MACROH2A2: variants seen among roughly 807,000 people sequenced by gnomAD.
The protein encoded by MACROH2A2 is core histone macro-H2A.2.
Under a neutral mutation model 37.6 loss-of-function variants are expected in MACROH2A2, and 6 were observed. The ratio of observed to expected loss-of-function variants is 0.16; its 90% CI spans 0.09 to 0.32. The LOEUF (loss-of-function observed/expected upper bound fraction) is 0.32. Ranked by LOEUF, MACROH2A2 falls within the 10% of genes least tolerant of loss-of-function variation. The pLI, the probability that MACROH2A2 is intolerant of heterozygous loss-of-function variation, is 1.00. For missense variants in MACROH2A2, 290 were observed against 485.9 expected (o/e 0.60, Z 3.79); for synonymous variants, 192 against 202.7 (o/e 0.95, Z 0.45).
At chr10:70,102,926 C>T (rs2072315293) in intron 7 of MACROH2A2, among the ~76,000 whole-genome samples, 1 of 152,102 alleles carries the variant, frequency 6.6e-6, no homozygotes, top group South Asian at 2.1e-4. Flanking sequence ...GCAGCACCTG[C>T]AGGATGCTGC....
rs2072378090 is a variant in MACROH2A2, at chr10:70,111,873, T to C, written c.*190T>C. ...GCCTCCATCTGTAAGGAAGCAGGTC[T>C]CCGCGAGGGGTTTCTTTCCATGTGT... On this transcript the variant is annotated 3_prime_UTR_variant, in exon 9 of 9. Coordinates refer to ENST00000373255, the MANE Select transcript of MACROH2A2 (RefSeq NM_018649.3). 2.4e-6 allele frequency: 1 copy of C among 418,188 alleles called. No individual in the cohort carries two copies. 25.9% of individuals were successfully genotyped at this position (418,188 alleles called of 1,614,324 possible).
chr10:70,090,108 C>T lies in MACROH2A2; in HGVS notation c.221C>T (p.Ala74Val), dbSNP rs779277278. 1 of 1,613,990 alleles carries T rather than the reference C, an allele frequency of 6.2e-7. No homozygotes were observed. The highest frequency in any genetic ancestry group is 8.5e-7 in the Non-Finnish European group (1 of 1,179,858). The change falls in exon 3 of 9, where the codon GCC (alanine) becomes GTC (valine). Residue 74 changes from alanine to valine, a missense_variant. Transcript: ENST00000373255. ...AGNAARDNKK[A>V]RIAPRHILLA... ...AATGCCGCGAGGGACAACAAGAAGG[C>T]CCGGATAGCCCCGAGACACATCTTG...
At position 70,093,765 on chromosome 10, in the gene MACROH2A2, A is replaced by G; in HGVS notation, c.508A>G (p.Thr170Ala). 2.5e-6 allele frequency: 4 copies of G among 1,610,662 alleles called. No individual in the cohort carries two copies. Among genetic ancestry groups the G allele is most frequent in the Non-Finnish European group, 3.4e-6 (4 of 1,176,812 alleles). ...SKPKDSDKEG[T>A]SNSTSEDGPG... ...ACCAAAGGACAGCGATAAAGAAGGA[A>G]CTTCAAATTCCACCTCTGAAGATGG... Residue 170 changes from threonine to alanine, a missense_variant, in exon 5 of 9, where the codon ACT (threonine) becomes GCT (alanine). Around this residue, in one of 3 missense-constraint regions of MACROH2A2, gnomAD observed 77 missense variants for 68.9 expected, o/e 1.12. Coordinates refer to ENST00000373255, the MANE Select transcript of MACROH2A2 (RefSeq NM_018649.3).
At chr10:70,103,530 T>G (rs2072318436) in intron 7 of MACROH2A2, among the ~76,000 whole-genome samples, 1 of 152,088 alleles carries the variant, frequency 6.6e-6, no homozygotes. Flanking sequence ...TAAACAGAGT[T>G]CCAAAGGCAG....
At chr10:70,102,331 G>T (rs2072311271) in intron 7 of MACROH2A2, among the ~76,000 whole-genome samples, 1 of 152,234 alleles carries the variant, frequency 6.6e-6, no homozygotes, top group Admixed American at 6.5e-5. Context: ...GTCTGGGCCT[G>T]TGGGCTGTGC....
chr10:70,078,516 G>A (rs955458381), intron 2 of MACROH2A2, among the ~76,000 whole-genome samples: 2 of 152,198 alleles, frequency 1.3e-5, no homozygotes, highest in Non-Finnish European at 2.9e-5. Flanking sequence ...GGTTCCAATC[G>A]GGATGACTCA....
intron 4 of MACROH2A2, 63 bp from the exon 5 acceptor site, chr10:70,093,672 A>T (rs1004165753): frequency 1.8e-5 from 15 of 851,698 alleles, no homozygotes; most frequent in Non-Finnish European, 2.8e-5. Flanking sequence ...GAAGAGCTTA[A>T]TAAAGGCACC....
chr10:70,100,185 C>T (rs1257754454), intron 6 of MACROH2A2, 23 bp from the exon 7 acceptor site: 1 of 1,321,466 alleles, frequency 7.6e-7, no homozygotes, highest in South Asian at 1.2e-5. Flanking sequence ...ACCACAGTGG[C>T]TTCCCATTGC....
At position 70,104,572 on chromosome 10, in the gene MACROH2A2, G is replaced by A. The variant is rs538045025; in HGVS notation, c.778+4275G>A. Among the ~76,000 whole-genome samples the A allele has an allele frequency of 2.8e-4, 43 of 152,310 alleles. No individual in the cohort carries two copies. In the South Asian group the frequency reaches 8.5e-3, roughly 30 times the overall value. ...TGCCTGTAATCCCAGCTACTTGGGA[G>A]GCTGAGGCAGGAGAATCACTTGAAC... On this transcript the variant is annotated intron_variant, in intron 7 of 8. Transcript: ENST00000373255.
chr10:70,055,351 G>C (rs1015410131), intron 1 of MACROH2A2, among the ~76,000 whole-genome samples: 1 of 152,182 alleles, frequency 6.6e-6, no homozygotes, highest in Non-Finnish European at 1.5e-5. Context: ...GATTAACAAA[G>C]AACTTGTGGT....
In MACROH2A2 at chr10:70,110,034, C is replaced by T. The variant is rs3793811; in HGVS notation, c.953+827C>T. On this transcript the variant is annotated intron_variant, in intron 8 of 8. Coordinates refer to ENST00000373255, the MANE Select transcript of MACROH2A2 (RefSeq NM_018649.3). ...GAAAATAATGAGACCTAGGTTCCTG[C>T]TGTAATCACACATCAACCTAGGCAA... Among the ~76,000 whole-genome samples, 30 of 152,284 alleles carry T rather than the reference C, an allele frequency of 2.0e-4. No homozygotes were observed. The East Asian group carries it at 5.4e-3, about 27-fold the overall frequency.
chr10:70,079,565 G>GCGCGCACGCA (rs1386558755), intron 2 of MACROH2A2, among the ~76,000 whole-genome samples: 140 of 126,256 alleles, frequency 1.1e-3, no homozygotes, highest in African/African-American at 2.5e-3. Context: ...GCGCGCGCGC[G>GCGCGCACGCA]CACACACACA....
Position 70,093,818 on chromosome 10 carries a change from T to G in MACROH2A2, c.561T>G (p.Ser187=). 3.1e-6 allele frequency: 5 copies of G among 1,601,604 alleles called. No homozygotes were observed. Among genetic ancestry groups the G allele is most frequent in the Non-Finnish European group, 2.6e-6 (3 of 1,168,540 alleles). ...CAGGGGATGGATTCACCATTCTGTC[T>G]TCTAAGAGCCTTGTTCTGGGACAGA... The part of the protein sequence containing the change: ...DGPGDGFTIL[S]SKSLVLGQKL... Residue 187 remains serine (S), a synonymous_variant, in exon 5 of 9, where the codon TCT becomes TCG. Coordinates refer to ENST00000373255, the MANE Select transcript of MACROH2A2 (RefSeq NM_018649.3).
At chr10:70,054,010 C>T (rs2071994917) in intron 1 of MACROH2A2, among the ~76,000 whole-genome samples, 1 of 152,116 alleles carries the variant, frequency 6.6e-6, no homozygotes, top group African/African-American at 2.4e-5. Flanking sequence ...GCCCGGCCAG[C>T]CCCCCGGATC....
intron 1 of MACROH2A2, among the ~76,000 whole-genome samples, chr10:70,069,804 T>C (rs189887495): frequency 2.7e-4 from 41 of 151,708 alleles, no homozygotes; most frequent in African/African-American, 9.0e-4. Flanking sequence ...TACCAGGATG[T>C]GGATAAAAAC....
Position 70,055,204 on chromosome 10 carries a change from A to C in MACROH2A2, c.-60+2204A>C, listed in dbSNP as rs1184520617. ...TGAGTCCTGTCTTAGGCAACTTTAA[A>C]TGAAAGGTATCTGTAACTTGTTACC... On this transcript the variant is annotated intron_variant, in intron 1 of 8. Coordinates refer to ENST00000373255, the MANE Select transcript of MACROH2A2 (RefSeq NM_018649.3). 2.6e-5 allele frequency among the ~76,000 whole-genome samples: 4 copies of C among 152,224 alleles called. No homozygotes were observed. The East Asian group carries it at 7.7e-4, about 29-fold the overall frequency.
Position 70,076,381 on chromosome 10 carries a change from TA to T in MACROH2A2, c.172+552del, listed in dbSNP as rs146938164. On this transcript the variant is annotated intron_variant, in intron 2 of 8. Transcript: ENST00000373255. The stretch of plus-strand genomic sequence containing the variant: ...CTTCACTGAGGTGATTCTCGTCTAA[TA>T]GGGGTGCACAGAAAATAGTTTCCCA... 6.4e-3 allele frequency among the ~76,000 whole-genome samples: 981 copies of T among 152,318 alleles called. 7 individuals carry two copies. Among genetic ancestry groups the T allele is most frequent in the African/African-American group, 0.022 (915 of 41,582 alleles).
At chr10:70,079,938 T>C (rs1183605271) in intron 2 of MACROH2A2, among the ~76,000 whole-genome samples, 1 of 151,936 alleles carries the variant, frequency 6.6e-6, no homozygotes, top group Non-Finnish European at 1.5e-5. Context: ...GGGTGAGAAG[T>C]AGATTGAGGT....
intron 1 of MACROH2A2, among the ~76,000 whole-genome samples, chr10:70,062,828 GT>G (rs2136617188): frequency 6.6e-6 from 1 of 152,284 alleles, no homozygotes; most frequent in East Asian, 1.9e-4. Context: ...AAGCTAAACT[GT>G]AAGGGTACAA....
Sources: allele counts gnomAD v4.1 joint callset (sites outside exome capture counted in the v4.1 genomes callset), GRCh38; gene constraint gnomAD v4.1.1; regional missense constraint gnomAD v4.1.1; transcripts MANE v1.5; gene names NCBI Gene and HGNC (gene_info 2026-07-23, HGNC 2026-07-21).